Variants in CCDC33 observed in about 807,000 individuals in gnomAD.
CCDC33 encodes the protein coiled-coil domain-containing protein 33.
Under a neutral mutation model 91.9 loss-of-function variants are expected in CCDC33, and 94 were observed. The ratio of observed to expected loss-of-function variants is 1.02; its 90% CI spans 0.87 to 1.21. CCDC33 has a LOEUF of 1.21. CCDC33 is among the 50% of genes most tolerant of loss of function. The pLI is 0.00. For missense variants in CCDC33, 940 were observed against 935.5 expected (o/e 1.00, Z -0.06); for synonymous variants, 396 against 374.5 (o/e 1.06, Z -0.66).
intron 1 of CCDC33, among the ~76,000 whole-genome samples, chr15:74,242,562 C>G (rs2075382578): frequency 6.6e-6 from 1 of 152,184 alleles, no homozygotes; most frequent in African/African-American, 2.4e-5. Flanking sequence ...CTGAGGAGGT[C>G]CATTGCTCCT....
upstream of CCDC33, among the ~76,000 whole-genome samples, chr15:74,236,059 T>A (rs2075144638): frequency 6.6e-6 from 1 of 152,246 alleles, no homozygotes; most frequent in Non-Finnish European, 1.5e-5. Context: ...GCAACACTCT[T>A]GAGAGCAGTG....
intron 2 of CCDC33, among the ~76,000 whole-genome samples, chr15:74,245,565 G>A (rs2075497648): frequency 2.0e-5 from 3 of 152,206 alleles, no homozygotes; most frequent in Admixed American, 1.3e-4. Flanking sequence ...ATCCGGCCTG[G>A]GCGGCGGGGC....
rs1409750464 is a variant in CCDC33 at position 74,218,469 on chromosome 15, T to A, written c.311-28T>A. The A allele has an allele frequency of 7.9e-7, 1 of 1,257,938 alleles. No homozygotes were observed. Among genetic ancestry groups the A allele is most frequent in the Admixed American group, 2.4e-5 (1 of 42,030 alleles). 77.9% of individuals were successfully genotyped at this position (1,257,938 alleles called of 1,614,324 possible). ...GCAGATGCAGAGAAACCTGAGACCATCTCTGAGCCCTGTGTTCCCTCATCC... is the reference window on the plus strand; with the variant it reads ...GCAGATGCAGAGAAACCTGAGACCAACTCTGAGCCCTGTGTTCCCTCATCC... On this transcript the variant is annotated intron_variant, in intron 1 of 2. Coordinates refer to the CCDC33 transcript ENST00000635913. This position sits in a 1 kb window ranked among gnomAD's most constrained non-coding sequence, Gnocchi z 4.8.
At chr15:74,268,764 G>A (rs1054720429) in intron 5 of CCDC33, among the ~76,000 whole-genome samples, 12 of 152,214 alleles carry the variant, frequency 7.9e-5, no homozygotes, top group Non-Finnish European at 1.8e-4. Flanking sequence ...TGCTGCAGTG[G>A]GGACCAGAGC....
At chr15:74,257,586 C>T (rs1302518062) in intron 2 of CCDC33, among the ~76,000 whole-genome samples, 3 of 152,158 alleles carry the variant, frequency 2.0e-5, no homozygotes, top group African/African-American at 7.2e-5. Context: ...GAGAGGGACT[C>T]GGGGGAGAAC....
At chr15:74,297,490 T>TGA (rs2059711290) in intron 11 of CCDC33, among the ~76,000 whole-genome samples, 1 of 152,068 alleles carries the variant, frequency 6.6e-6, no homozygotes, top group Non-Finnish European at 1.5e-5. Context: ...CCCAGAAGTT[T>TGA]GAGACCAGCC....
chr15:74,222,649 G>C (rs957307326), intron 2 of CCDC33, among the ~76,000 whole-genome samples: 7 of 151,624 alleles, frequency 4.6e-5, no homozygotes, highest in African/African-American at 1.7e-4. Flanking sequence ...CTCTAAGCCT[G>C]TGGATTCTGA....
chr15:74,296,127 C>G (rs2059681662), intron 11 of CCDC33, among the ~76,000 whole-genome samples, 179 bp downstream of exon 11: 1 of 152,244 alleles, frequency 6.6e-6, no homozygotes, highest in Non-Finnish European at 1.5e-5. Context: ...GTGGCTTCTT[C>G]GTTTGCAGGG....
At chr15:74,323,010 G>A (rs954033019) in intron 11 of CCDC33, among the ~76,000 whole-genome samples, 2 of 151,946 alleles carry the variant, frequency 1.3e-5, no homozygotes, top group African/African-American at 2.4e-5. Flanking sequence ...GCCCCTCCCC[G>A]CTCCTACCCC....
intron 16 of CCDC33, chr15:74,333,090 T>C: frequency 1.2e-6 from 1 of 826,100 alleles, no homozygotes; most frequent in Non-Finnish European, 2.0e-6. Context: ...TTGTTGACCC[T>C]TGGTCCCTGA....
At chr15:74,326,180 C>T (rs1010307307) in intron 11 of CCDC33, among the ~76,000 whole-genome samples, 3 of 152,148 alleles carry the variant, frequency 2.0e-5, no homozygotes, top group African/African-American at 7.2e-5. Context: ...TAAAAATTAG[C>T]CAGGCATGGT....
Position 74,295,662 on chromosome 15 carries a change from AG to A in CCDC33, c.1096-90del, listed in dbSNP as rs1475302381. 17 of 1,100,322 alleles carry A rather than the reference AG, an allele frequency of 1.5e-5. 1 individual carries two copies. Among genetic ancestry groups the A allele is most frequent in the Non-Finnish European group, 2.1e-5 (16 of 762,284 alleles). 68.2% of individuals were successfully genotyped at this position (1,100,322 alleles called of 1,614,324 possible). A position where few individuals can be genotyped will look rare whatever the true frequency, so the allele number is the denominator to read the frequency against. On this transcript the variant is annotated intron_variant, in intron 10 of 18. Transcript: ENST00000398814. Reference sequence around the variant, plus strand: ...ATGCAGGGCCTCCTGAGCCATGAGGAGGAGAGGCTTGGGGTGTAGATGGTGT... The same window carrying A: ...ATGCAGGGCCTCCTGAGCCATGAGGAGAGAGGCTTGGGGTGTAGATGGTGT...
At chr15:74,296,534 G>C (rs1191108232) in intron 11 of CCDC33, among the ~76,000 whole-genome samples, 1 of 152,232 alleles carries the variant, frequency 6.6e-6, no homozygotes, top group Non-Finnish European at 1.5e-5. Flanking sequence ...GCTGAGGCGG[G>C]AGAATCACTT....
chr15:74,300,206 ACAAG>A (rs1283877729), intron 11 of CCDC33: 2 of 152,310 alleles, frequency 1.3e-5, no homozygotes, highest in African/African-American at 4.8e-5. Flanking sequence ...AGGCACAGTG[ACAAG>A]CAATCGAACG....
intron 2 of CCDC33, among the ~76,000 whole-genome samples, chr15:74,210,700 G>A (rs1435515883): frequency 6.6e-6 from 1 of 152,246 alleles, no homozygotes; most frequent in African/African-American, 2.4e-5. Context: ...ACTGAGCTGT[G>A]TGAATTTGAT....
intron 2 of CCDC33, among the ~76,000 whole-genome samples, chr15:74,251,042 CT>C (rs1262960436): frequency 2.0e-5 from 3 of 152,236 alleles, no homozygotes; most frequent in East Asian, 1.9e-4. Flanking sequence ...CCCACTGCCC[CT>C]GACTCCCTGT....
Position 74,330,240 on chromosome 15 carries a change from T to C in CCDC33, c.1342T>C (p.Ser448Pro), listed in dbSNP as rs758922892. The change falls in exon 12 of 19, where the codon TCT becomes CCT. Residue 448 changes from serine to proline, a missense_variant. Transcript: ENST00000398814. Reference sequence around the variant, plus strand: ...GCAGAAGATGGCAGAGGACATCCTGTCTCTGCGGAGACAGGCCAGCATCCT... The same window carrying C: ...GCAGAAGATGGCAGAGGACATCCTGCCTCTGCGGAGACAGGCCAGCATCCT... Reference protein sequence around the residue: ...AMQKMAEDILSLRRQASILEG... With the variant: ...AMQKMAEDILPLRRQASILEG... 17 of 1,612,600 alleles carry C rather than the reference T, an allele frequency of 1.1e-5. No homozygotes were observed. In the Admixed American group the frequency reaches 2.5e-4, roughly 24 times the overall value.
chr15:74,305,735 A>G (rs552656376), intron 11 of CCDC33, among the ~76,000 whole-genome samples: 9 of 152,288 alleles, frequency 5.9e-5, no homozygotes, highest in Non-Finnish European at 1.3e-4. Flanking sequence ...TCATGCATTC[A>G]TTCATTTGTT....
intron 2 of CCDC33, among the ~76,000 whole-genome samples, chr15:74,250,664 C>T (rs373397821): frequency 3.3e-5 from 5 of 152,232 alleles, no homozygotes; most frequent in African/African-American, 1.2e-4. Context: ...CTGTGCCCCA[C>T]TAGTTCCGTG....
Sources: allele counts gnomAD v4.1 joint callset (sites outside exome capture counted in the v4.1 genomes callset), GRCh38; gene constraint gnomAD v4.1.1; non-coding constraint Gnocchi (gnomAD v3.1); transcripts MANE v1.5; gene names NCBI Gene and HGNC (gene_info 2026-07-23, HGNC 2026-07-21).